Variants in CELF2 observed in about 807,000 individuals in gnomAD.
The protein encoded by CELF2 is CUGBP Elav-like family member 2.
CELF2 carries 8 observed loss-of-function variants against 62.6 expected under a neutral mutation model. That is an observed-to-expected ratio of 0.13 (90% CI 0.07 to 0.23). The LOEUF (loss-of-function observed/expected upper bound fraction) is 0.23. CELF2 is among the 10% of genes least tolerant of loss of function. The pLI is 1.00. For synonymous variants in CELF2, 258 were observed against 250.0 expected, an observed-to-expected ratio of 1.03 and a Z score of -0.30; for missense variants, 333 against 671.0, an observed-to-expected ratio of 0.50 and a Z score of 5.56.
At chr10:11,284,521 T>G (rs2090469659) in intron 8 of CELF2, among the ~76,000 whole-genome samples, 1 of 145,136 alleles carries the variant, frequency 6.9e-6, no homozygotes, top group African/African-American at 2.6e-5. Context: ...GATGAGTGTG[T>G]GGTGGGTGGA....
At chr10:10,500,821 G>A in the CELF2 span, among the ~76,000 whole-genome samples, 9 of 152,154 alleles carry the variant, frequency 5.9e-5, no homozygotes, top group African/African-American at 2.2e-4. Context: ...CTTAAGCCAT[G>A]GCAGTCAGCA....
chr10:11,329,063 C>T lies in CELF2; in HGVS notation c.*10C>T. The T allele has an allele frequency of 6.2e-7, 1 of 1,606,900 alleles. No individual in the cohort carries two copies. Among genetic ancestry groups the T allele is most frequent in the Non-Finnish European group, 8.5e-7 (1 of 1,174,718 alleles). On this transcript the variant is annotated 3_prime_UTR_variant, in exon 13 of 13. Coordinates refer to ENST00000633077, the MANE Select transcript of CELF2 (RefSeq NM_001326342.2). This position sits in a 1 kb window ranked among gnomAD's most constrained non-coding sequence, Gnocchi z 5.5. Reference sequence around the variant, plus strand: ...CAGCAAACCTTACTGATCCTAACCCCAGAGGCTCCCTGCTCTCATTTTAGC... The same window carrying T: ...CAGCAAACCTTACTGATCCTAACCCTAGAGGCTCCCTGCTCTCATTTTAGC...
At chr10:10,751,822 C>T in the CELF2 span, among the ~76,000 whole-genome samples, 105 of 152,046 alleles carry the variant, frequency 6.9e-4, 2 homozygotes, top group African/African-American at 2.3e-3. Context: ...TTCCAATTTG[C>T]GAATGGAAAT....
chr10:10,887,595 AT>A (rs1387010033), intron 1 of CELF2, among the ~76,000 whole-genome samples: 2 of 152,122 alleles, frequency 1.3e-5, no homozygotes, highest in Non-Finnish European at 2.9e-5. Flanking sequence ...CTGTTGGTCT[AT>A]TTTTTTGTAA....
intron 5 of CELF2, among the ~76,000 whole-genome samples, chr10:11,265,552 G>C (rs2081966290): frequency 6.6e-6 from 1 of 152,218 alleles, no homozygotes; most frequent in African/African-American, 2.4e-5. Flanking sequence ...ATATCAGCCT[G>C]AATCTGCATT....
chr10:10,762,858 A>G, the CELF2 span, among the ~76,000 whole-genome samples: 2 of 152,212 alleles, frequency 1.3e-5, no homozygotes, highest in Non-Finnish European at 2.9e-5. Flanking sequence ...CCTGGGCAAC[A>G]TAGCAAGACC....
At chr10:10,611,178 C>G in the CELF2 span, among the ~76,000 whole-genome samples, 1 of 152,016 alleles carries the variant, frequency 6.6e-6, no homozygotes, top group East Asian at 1.9e-4. Flanking sequence ...CATGCAGATG[C>G]GGCCAGAACC....
chr10:10,762,539 C>T, the CELF2 span, among the ~76,000 whole-genome samples: 4 of 152,210 alleles, frequency 2.6e-5, no homozygotes, highest in African/African-American at 4.8e-5. Context: ...GATGTCTACA[C>T]GTAGATCGAA....
At chr10:11,180,162 G>A (rs749567009) in intron 2 of CELF2, among the ~76,000 whole-genome samples, 5 of 152,160 alleles carry the variant, frequency 3.3e-5, no homozygotes, top group Non-Finnish European at 5.9e-5. Context: ...GGTTCTGTGC[G>A]TTTCCTGGTT....
At chr10:11,062,468 G>A (rs1311472670) in intron 1 of CELF2, among the ~76,000 whole-genome samples, 1 of 152,224 alleles carries the variant, frequency 6.6e-6, no homozygotes, top group Non-Finnish European at 1.5e-5. Flanking sequence ...GAAGGTCATA[G>A]TATCAATATT....
chr10:10,869,668 T>A (rs1456462290), intron 1 of CELF2, among the ~76,000 whole-genome samples: 1 of 152,196 alleles, frequency 6.6e-6, no homozygotes, highest in Non-Finnish European at 1.5e-5. Context: ...AATCCCTGGT[T>A]TTATGAAAAA....
rs577869156 is a variant in CELF2 at position 10,920,007 on chromosome 10, C to T, written c.89+8C>T. 3.5e-5 allele frequency: 43 copies of T among 1,231,212 alleles called. No individual in the cohort carries two copies. The highest frequency in any genetic ancestry group is 3.1e-4 in the Middle Eastern group (1 of 3,208). The allele number at this position is 1,231,212 out of a possible 1,614,324, so 76.3% of individuals were successfully genotyped here. On this transcript the variant is annotated splice_region_variant and intron_variant, in intron 2 of 13. Coordinates refer to the CELF2 transcript ENST00000636488. ...AGCTGGGAGTCTACCAAGGTGAGCA[C>T]GCTGGCTTTGCTTATTCTATGCCCG...
chr10:11,043,326 G>C (rs1480172853), intron 1 of CELF2, among the ~76,000 whole-genome samples: 1 of 152,176 alleles, frequency 6.6e-6, no homozygotes, highest in Non-Finnish European at 1.5e-5. Flanking sequence ...CTGCAACATT[G>C]CATTTCAGGA....
At chr10:10,478,451 A>G in the CELF2 span, among the ~76,000 whole-genome samples, 18 of 152,156 alleles carry the variant, frequency 1.2e-4, no homozygotes, top group Non-Finnish European at 4.4e-5. Context: ...TCCTCTTGAT[A>G]GCATCTGATG....
chr10:10,630,619 T>TA, the CELF2 span, among the ~76,000 whole-genome samples: 1 of 152,144 alleles, frequency 6.6e-6, no homozygotes, highest in Non-Finnish European at 1.5e-5. Context: ...CAACACCTCA[T>TA]AAAATGAGTG....
the CELF2 span, among the ~76,000 whole-genome samples, chr10:10,729,642 G>GGTTGTGT: frequency 1.3e-5 from 2 of 152,024 alleles, no homozygotes; most frequent in Admixed American, 6.6e-5. Context: ...AGCCAGGCCT[G>GGTTGTGT]GTTGTGTGCA....
chr10:11,298,754 TTAAG>T (rs2093431335), intron 9 of CELF2, among the ~76,000 whole-genome samples: 1 of 152,210 alleles, frequency 6.6e-6, no homozygotes, highest in Admixed American at 6.5e-5. Flanking sequence ...AAAACGATGT[TTAAG>T]TATCATATAT....
chr10:11,215,167 C>T (rs1328060203), intron 2 of CELF2, among the ~76,000 whole-genome samples: 1 of 152,196 alleles, frequency 6.6e-6, no homozygotes, highest in Non-Finnish European at 1.5e-5. Flanking sequence ...AGCAGAAGGA[C>T]TACACCTTCC....
the CELF2 span, among the ~76,000 whole-genome samples, chr10:10,779,729 T>C: frequency 2.0e-5 from 3 of 152,152 alleles, no homozygotes; most frequent in Admixed American, 6.5e-5. Context: ...AGCCCAGGCA[T>C]TGGTATTTTT....
Sources: allele counts gnomAD v4.1 joint callset (sites outside exome capture counted in the v4.1 genomes callset), GRCh38; gene constraint gnomAD v4.1.1; non-coding constraint Gnocchi (gnomAD v3.1); transcripts MANE v1.5; gene names NCBI Gene and HGNC (gene_info 2026-07-23, HGNC 2026-07-21).